The following LAMA1 variants were observed in gnomAD, a reference collection of about 807,000 sequenced individuals.
LAMA1 encodes laminin subunit alpha-1.
Under a neutral mutation model 348.7 loss-of-function variants are expected in LAMA1, and 219 were observed. That is an observed-to-expected ratio of 0.63 (90% CI 0.56 to 0.70). LAMA1 has a LOEUF of 0.70. Ranked by LOEUF, LAMA1 falls within the 30% of genes least tolerant of loss-of-function variation. LAMA1 has a pLI of 0.00. For missense variants in LAMA1, 3,744 were observed against 3,888.0 expected, an observed-to-expected ratio of 0.96 and a Z score of 0.99; for synonymous variants, 1,487 against 1,491.0, an observed-to-expected ratio of 1.00 and a Z score of 0.06.
intron 10 of LAMA1, 126 bp downstream of exon 10, chr18:7,039,950 G>T (rs1308873745): frequency 1.0e-5 from 11 of 1,058,858 alleles, no homozygotes; most frequent in South Asian, 8.1e-5. Context: ...GAGAGAAGGG[G>T]CAAGGGGAGT....
intron 1 of LAMA1, among the ~76,000 whole-genome samples, chr18:7,083,975 A>C (rs893447520): frequency 6.8e-6 from 1 of 148,132 alleles, no homozygotes; most frequent in African/African-American, 2.5e-5. Context: ...CGGGAGGCTG[A>C]GGCAGGAGAA....
At position 6,982,594 on chromosome 18, in the gene LAMA1, G is replaced by T. The variant is rs760045588; in HGVS notation, c.5797-4C>A. The T allele has an allele frequency of 2.3e-5, 37 of 1,613,642 alleles. No homozygotes were observed. In the South Asian group the frequency reaches 4.1e-4, roughly 18 times the overall value. ...TAGAAACAAGGGATTCTGAGAGCTGGAAAACAGAACCACTTAAGCGTGGTG... is the reference window on the plus strand; with the variant it reads ...TAGAAACAAGGGATTCTGAGAGCTGTAAAACAGAACCACTTAAGCGTGGTG... On this transcript the variant is annotated splice_region_variant and splice_polypyrimidine_tract_variant and intron_variant, in intron 40 of 62. Transcript: ENST00000389658.
At chr18:7,098,565 T>C (rs1419167895) in intron 1 of LAMA1, among the ~76,000 whole-genome samples, 7 of 137,120 alleles carry the variant, frequency 5.1e-5, no homozygotes, top group Non-Finnish European at 1.1e-4. Flanking sequence ...GTGAGGAGCA[T>C]CTCTGCCCGG....
Position 6,958,466 on chromosome 18 carries a change from G to A in LAMA1, c.7964+11C>T, listed in dbSNP as rs775841982. The A allele has an allele frequency of 5.6e-6, 9 of 1,613,714 alleles. No homozygotes were observed. Among genetic ancestry groups the A allele is most frequent in the African/African-American group, 4.0e-5 (3 of 74,894 alleles). On this transcript the variant is annotated intron_variant, in intron 55 of 62. Coordinates refer to ENST00000389658, the MANE Select transcript of LAMA1 (RefSeq NM_005559.4). ...AAAGTGCAAGAACATGCAGAGAGCA[G>A]GTACACTTACTCCAAATTGAAGATC...
intron 57 of LAMA1, 81 bp from the exon 58 acceptor site, chr18:6,951,052 T>C (rs1600341901): frequency 7.9e-7 from 1 of 1,268,336 alleles, no homozygotes; most frequent in Non-Finnish European, 1.1e-6. Context: ...ACCCAACAAT[T>C]GTTTCAGCGT....
chr18:6,954,761 T>C (rs2057566922), intron 57 of LAMA1: 1 of 174,428 alleles, frequency 5.7e-6, no homozygotes, highest in Admixed American at 5.5e-5. Flanking sequence ...GCACAGCCAA[T>C]GACAACAAGA....
At chr18:7,033,854 C>A (rs2057982483) in intron 14 of LAMA1, among the ~76,000 whole-genome samples, 1 of 152,046 alleles carries the variant, frequency 6.6e-6, no homozygotes, top group Non-Finnish European at 1.5e-5. Context: ...CATGCCTCAG[C>A]CTCCTGAATA....
intron 49 of LAMA1, 53 bp downstream of exon 49, chr18:6,966,089 ACATAG>A: frequency 6.3e-7 from 1 of 1,587,026 alleles, no homozygotes; most frequent in Non-Finnish European, 8.6e-7. Flanking sequence ...ATAAACAACC[ACATAG>A]CAATCTAAAT....
chr18:7,106,605 G>C (rs940820687), intron 1 of LAMA1, among the ~76,000 whole-genome samples: 1 of 151,986 alleles, frequency 6.6e-6, no homozygotes. Context: ...TGATCCACCC[G>C]CCTTGGCCCC....
At chr18:6,950,409 C>T (rs1220818735) in intron 58 of LAMA1, among the ~76,000 whole-genome samples, 2 of 152,232 alleles carry the variant, frequency 1.3e-5, no homozygotes, top group Non-Finnish European at 2.9e-5. Context: ...TGGCCGATTA[C>T]AGGCACAGGT....
At chr18:6,957,795 C>T (rs59914433) in intron 55 of LAMA1, among the ~76,000 whole-genome samples, 4,025 of 151,152 alleles carry the variant, frequency 0.027, 183 homozygotes, top group African/African-American at 0.092. Context: ...CTTTTTTTTT[C>T]TGAGACAGAG....
At chr18:7,032,474 T>A (rs538791302) in intron 15 of LAMA1, among the ~76,000 whole-genome samples, 87 of 152,340 alleles carry the variant, frequency 5.7e-4, no homozygotes, top group African/African-American at 2.0e-3. Flanking sequence ...GGTATTAATA[T>A]CAATATGTTT....
chr18:6,993,911 T>C (rs2057769441), intron 34 of LAMA1, among the ~76,000 whole-genome samples, 159 bp from the exon 35 acceptor site: 1 of 152,218 alleles, frequency 6.6e-6, no homozygotes, highest in South Asian at 2.1e-4. Flanking sequence ...AAGCCGAGCT[T>C]AATATTTTGG....
chr18:7,090,699 G>A (rs896455286), intron 1 of LAMA1, among the ~76,000 whole-genome samples: 16 of 135,056 alleles, frequency 1.2e-4, no homozygotes, highest in Admixed American at 6.9e-4. Context: ...GAGAGAGAGA[G>A]AAAAAGAGAG....
intron 57 of LAMA1, chr18:6,954,985 G>A (rs2057568462): frequency 2.8e-6 from 1 of 353,758 alleles, no homozygotes; most frequent in Non-Finnish European, 5.5e-6. Flanking sequence ...CACAGTGTAA[G>A]AGTTTGGGTA....
At chr18:7,094,038 A>G (rs1394489309) in intron 1 of LAMA1, among the ~76,000 whole-genome samples, 1 of 151,968 alleles carries the variant, frequency 6.6e-6, no homozygotes, top group East Asian at 1.9e-4. Context: ...CAGTCTCCCA[A>G]AGTGCCAGGA....
chr18:6,997,800 A>C lies in LAMA1; in HGVS notation c.4748T>G (p.Ile1583Ser). 4 of 1,614,072 alleles carry C rather than the reference A, an allele frequency of 2.5e-6. No individual in the cohort carries two copies. The highest frequency in any genetic ancestry group is 3.4e-6 in the Non-Finnish European group (4 of 1,179,912). The change falls in exon 33 of 63, where the codon ATT becomes AGT. Residue 1583 changes from isoleucine (I) to serine (S), a missense_variant. Physicochemically the swap from Ile to Ser is moderately radical, Grantham distance 142. Transcript: ENST00000389658. ...CAAAATTCCATATGGGACAGGGATAATGCCAGTGAGGTTCAGAGAAAGAAC... is the reference window on the plus strand; with the variant it reads ...CAAAATTCCATATGGGACAGGGATACTGCCAGTGAGGTTCAGAGAAAGAAC... ...DAVLSLNLTG[I>S]IPVPYGILSN...
Position 7,012,117 on chromosome 18 carries a change from A to C in LAMA1, c.3385T>G (p.Cys1129Gly), listed in dbSNP as rs1196570075. ...PCKENVFGPQ[C>G]NECREGTFAL... ...AAGGTGCCCTCTCGACATTCGTTGC[A>C]CTGAGGACCAAAGACATTTTCCTAC... Residue 1129 changes from cysteine (C) to glycine (G), a missense_variant, in exon 24 of 63, where the codon TGC becomes GGC. Coordinates refer to ENST00000389658, the MANE Select transcript of LAMA1 (RefSeq NM_005559.4). 6.2e-7 allele frequency: 1 copy of C among 1,613,906 alleles called. No individual in the cohort carries two copies. The highest frequency in any genetic ancestry group is 1.3e-5 in the African/African-American group (1 of 74,938).
chr18:6,996,573 G>A (rs2057782231), intron 33 of LAMA1, among the ~76,000 whole-genome samples: 1 of 152,048 alleles, frequency 6.6e-6, no homozygotes. Flanking sequence ...AGGAGTTCAA[G>A]ACCAGCCTGC....
Sources: gnomAD v4.1 joint callset for allele counts (sites outside exome capture counted in the v4.1 genomes callset) on GRCh38, gnomAD v4.1.1 for gene constraint, MANE v1.5 for transcripts, NCBI Gene and HGNC (gene_info 2026-07-23, HGNC 2026-07-21) for gene names.